USP3: variants seen among roughly 807,000 people sequenced by gnomAD.
The protein encoded by USP3 is ubiquitin carboxyl-terminal hydrolase 3.
Under a neutral mutation model 72.3 loss-of-function variants are expected in USP3, and 20 were observed. The ratio of observed to expected loss-of-function variants is 0.28; its 90% confidence interval spans 0.19 to 0.40. The LOEUF (loss-of-function observed/expected upper bound fraction) is 0.40, where lower values mean the gene tolerates loss of function less well. Among genes scored for constraint, USP3 ranks in the 10% least tolerant of loss-of-function variants. The pLI is 1.00. For missense variants in USP3, 479 were observed against 633.9 expected (o/e 0.76, Z 2.62); for synonymous variants, 222 against 225.3 (o/e 0.99, Z 0.13).
intron 11 of USP3, among the ~76,000 whole-genome samples, chr15:63,583,568 A>T (rs2067001421): frequency 6.6e-6 from 1 of 152,216 alleles, no homozygotes; most frequent in African/African-American, 2.4e-5. Context: ...AAAATATTAT[A>T]CAACCATTAC....
At chr15:63,577,334 A>C (rs561186465) in intron 11 of USP3, among the ~76,000 whole-genome samples, 12 of 152,372 alleles carry the variant, frequency 7.9e-5, no homozygotes, top group African/African-American at 2.6e-4. Context: ...AAATGCCCTA[A>C]TAGGCCAAAT....
chr15:63,588,928 C>G lies in USP3; in HGVS notation c.1330-16C>G. 1.2e-6 allele frequency: 2 copies of G among 1,614,166 alleles called. No individual in the cohort carries two copies. Among genetic ancestry groups the G allele is most frequent in the Non-Finnish European group, 1.7e-6 (2 of 1,180,014 alleles). ...CTGATGTCATTGACCACTGCTCCTT[C>G]TTCCTTGTTCTGTAGCCTGAGAACA... is the stretch of plus-strand genomic sequence containing the variant. On this transcript the variant is annotated splice_polypyrimidine_tract_variant and intron_variant, in intron 13 of 14. Coordinates refer to ENST00000380324, the MANE Select transcript of USP3 (RefSeq NM_006537.4). The surrounding 1 kb of genome is among the most constrained non-coding windows in gnomAD (Gnocchi z 4.6).
intron 1 of USP3, chr15:63,530,565 G>A (rs754683079): frequency 3.0e-5 from 12 of 404,854 alleles, no homozygotes; most frequent in Non-Finnish European, 4.8e-5. Context: ...TGCCTGCCTC[G>A]GCCTCCCAAA....
At position 63,529,437 on chromosome 15, in the gene USP3, C is replaced by T. The variant is rs1314420946; in HGVS notation, c.92-3210C>T. On this transcript the variant is annotated intron_variant, in intron 1 of 14. Coordinates refer to ENST00000380324, the MANE Select transcript of USP3 (RefSeq NM_006537.4). The surrounding 1 kb of genome is among the most constrained non-coding windows in gnomAD (Gnocchi z 4.2). ...TAGTTCCGAAACATTTTCATAACCC[C>T]AAAATAAACTCTATACCAATTAAAC... Among the ~76,000 whole-genome samples, 4 of 152,052 alleles carry T rather than the reference C, an allele frequency of 2.6e-5. No individual in the cohort carries two copies. The highest frequency in any genetic ancestry group is 9.7e-5 in the African/African-American group (4 of 41,384).
intron 8 of USP3, among the ~76,000 whole-genome samples, chr15:63,564,899 A>T (rs1249020594): frequency 6.6e-6 from 1 of 152,242 alleles, no homozygotes; most frequent in Non-Finnish European, 1.5e-5. Flanking sequence ...ATAAAGCTTT[A>T]GTGCAGGTCA....
chr15:63,533,714 A>T, intron 2 of USP3: 1 of 423,174 alleles, frequency 2.4e-6, no homozygotes, highest in South Asian at 2.2e-5. Flanking sequence ...CCTGGAATTG[A>T]GTATTTTTTC....
At chr15:63,505,515 G>A (rs2065701226) in intron 1 of USP3, among the ~76,000 whole-genome samples, 1 of 152,200 alleles carries the variant, frequency 6.6e-6, no homozygotes, top group Admixed American at 6.5e-5. Context: ...CTTTGGAGGG[G>A]ACTGCTCGAG....
intron 7 of USP3, among the ~76,000 whole-genome samples, chr15:63,562,459 G>A (rs2152674089): frequency 6.6e-6 from 1 of 152,316 alleles, no homozygotes; most frequent in Admixed American, 6.5e-5. Context: ...GTGGAGAGCT[G>A]AGTGGTGAAG....
Position 63,553,592 on chromosome 15 carries a change from C to A in USP3, c.285-123C>A. On this transcript the variant is annotated intron_variant, in intron 3 of 14. Transcript: ENST00000380324. The surrounding 1 kb of genome is among the most constrained non-coding windows in gnomAD (Gnocchi z 4.2). ...GAATTCCAGGTCCTCTTTAAACTTA[C>A]CACCAGCAGTAACTGCCTGCAGAGC... The A allele has an allele frequency of 1.3e-6, 1 of 742,900 alleles. No individual in the cohort carries two copies. Among genetic ancestry groups the A allele is most frequent in the Non-Finnish European group, 2.0e-6 (1 of 505,338 alleles). 46.0% of individuals were successfully genotyped at this position (742,900 alleles called of 1,614,324 possible).
At chr15:63,568,907 TAGAAAATAATGCATTTTGATATA>T (rs2066736374) in intron 8 of USP3, among the ~76,000 whole-genome samples, 1 of 152,134 alleles carries the variant, frequency 6.6e-6, no homozygotes, top group Non-Finnish European at 1.5e-5. Context: ...ATAGGAAACA[TAGAAAATAATGCATTTTGATATA>T]AGAAAATCAC....
chr15:63,584,186 C>G (rs770821092), intron 11 of USP3, among the ~76,000 whole-genome samples: 72 of 150,438 alleles, frequency 4.8e-4, no homozygotes, highest in Non-Finnish European at 8.1e-4. Context: ...CAACCTCCAC[C>G]TCCCAGGTTC....
rs1268101689 is a variant in USP3, at chr15:63,591,409, A to G, written c.*583A>G. Reference sequence around the variant, plus strand: ...CTTGTCTCTCAAGGCTGCTGTCTTTATCAGCACTAACTAAATAAATTTGTT... The same window carrying G: ...CTTGTCTCTCAAGGCTGCTGTCTTTGTCAGCACTAACTAAATAAATTTGTT... On this transcript the variant is annotated 3_prime_UTR_variant, in exon 15 of 15. Coordinates refer to ENST00000380324, the MANE Select transcript of USP3 (RefSeq NM_006537.4). 3 of 152,286 alleles carry G rather than the reference A, an allele frequency of 2.0e-5. No individual in the cohort carries two copies. Among genetic ancestry groups the G allele is most frequent in the Non-Finnish European group, 2.9e-5 (2 of 68,068 alleles). The allele number at this position is 152,286 out of a possible 1,614,324, so 9.4% of individuals were successfully genotyped here.
At chr15:63,560,731 T>C (rs2066595865) in intron 7 of USP3, among the ~76,000 whole-genome samples, 1 of 152,154 alleles carries the variant, frequency 6.6e-6, no homozygotes, top group South Asian at 2.1e-4. Context: ...TAAGAACCAA[T>C]CCTGTATCCT....
At chr15:63,521,119 G>T (rs2065914731) in intron 1 of USP3, among the ~76,000 whole-genome samples, 1 of 148,092 alleles carries the variant, frequency 6.8e-6, no homozygotes, top group Non-Finnish European at 1.5e-5. Context: ...ACAAAAGATA[G>T]CAAACTAGAT....
chr15:63,588,673 C>A lies in USP3; in HGVS notation c.1216-29C>A. ...GACTGAAAGGTAAATTAGGTGTTCA[C>A]AATCTTTGACCGCATCTCTGTCCTC... is the stretch of plus-strand genomic sequence containing the variant. On this transcript the variant is annotated intron_variant, in intron 12 of 14. Coordinates refer to ENST00000380324, the MANE Select transcript of USP3 (RefSeq NM_006537.4). The surrounding 1 kb of genome is among the most constrained non-coding windows in gnomAD (Gnocchi z 4.6). 6.5e-7 allele frequency: 1 copy of A among 1,537,268 alleles called. No homozygotes were observed. The highest frequency in any genetic ancestry group is 9.0e-7 in the Non-Finnish European group (1 of 1,115,316).
intron 3 of USP3, among the ~76,000 whole-genome samples, chr15:63,541,186 G>A (rs2066239568): frequency 6.6e-6 from 1 of 152,062 alleles, no homozygotes; most frequent in Non-Finnish European, 1.5e-5. Context: ...CTTCAGGGCA[G>A]GTAATGTTTT....
intron 2 of USP3, among the ~76,000 whole-genome samples, chr15:63,535,811 C>T (rs369774882): frequency 9.8e-5 from 15 of 152,294 alleles, no homozygotes; most frequent in African/African-American, 3.6e-4. Context: ...AAGTGTTTTT[C>T]CTGGTGCAGT....
chr15:63,508,262 G>A (rs563340862), intron 1 of USP3, among the ~76,000 whole-genome samples: 3 of 152,290 alleles, frequency 2.0e-5, no homozygotes, highest in South Asian at 2.1e-4. Context: ...AAGGATACCT[G>A]CTCATATCAA....
Position 63,574,250 on chromosome 15 carries a change from C to G in USP3, c.1016-73C>G. ...TGTAAAGAGAAATCTAGAAATACAT[C>G]AGTTTGTGAAATTATTTTGAATGGA... On this transcript the variant is annotated intron_variant, in intron 10 of 14. Transcript: ENST00000380324. This position sits in a 1 kb window ranked among gnomAD's most constrained non-coding sequence, Gnocchi z 4.6. The G allele has an allele frequency of 9.1e-6, 13 of 1,430,402 alleles. No individual in the cohort carries two copies. Among genetic ancestry groups the G allele is most frequent in the Non-Finnish European group, 1.0e-5 (11 of 1,069,714 alleles). The allele number at this position is 1,430,402 out of a possible 1,614,324, so 88.6% of individuals were successfully genotyped here. A position where few individuals can be genotyped will look rare whatever the true frequency, so the allele number is the denominator to read the frequency against.
Sources: gnomAD v4.1 joint callset for allele counts (sites outside exome capture counted in the v4.1 genomes callset) on GRCh38, gnomAD v4.1.1 for gene constraint, Gnocchi (gnomAD v3.1) non-coding constraint, MANE v1.5 for transcripts, NCBI Gene and HGNC (gene_info 2026-07-23, HGNC 2026-07-21) for gene names.